Variants in MACROH2A2 observed in about 807,000 individuals in gnomAD.
The protein encoded by MACROH2A2 is core histone macro-H2A.2.
In MACROH2A2, 6 loss-of-function variants were observed where a neutral mutation model predicts 37.6. The observed-to-expected ratio is 0.16, with a 90% CI of 0.09 to 0.32. MACROH2A2 has a LOEUF of 0.32. MACROH2A2 is among the 10% of genes least tolerant of loss of function. MACROH2A2 has a pLI of 1.00. For synonymous variants in MACROH2A2, 192 were observed against 202.7 expected, an observed-to-expected ratio of 0.95 and a Z score of 0.45; for missense variants, 290 against 485.9, an observed-to-expected ratio of 0.60 and a Z score of 3.79.
rs897319188 is a variant in MACROH2A2, at chr10:70,083,787, G to GC, written c.173-6269dup. Among the ~76,000 whole-genome samples the GC allele has an allele frequency of 7.6e-4, 112 of 148,066 alleles. 1 individual carries two copies. Among genetic ancestry groups the GC allele is most frequent in the African/African-American group, 2.7e-3 (107 of 39,906 alleles). ...GCATGCTCAGCTGCTCATCTAGAATGCCCCATTGACCTGAACAAGCTTGCC... is the reference window on the plus strand; with the variant it reads ...GCATGCTCAGCTGCTCATCTAGAATGCCCCCATTGACCTGAACAAGCTTGCC... On this transcript the variant is annotated intron_variant, in intron 2 of 8. Coordinates refer to ENST00000373255, the MANE Select transcript of MACROH2A2 (RefSeq NM_018649.3).
chr10:70,089,587 T>C (rs2072231663), intron 2 of MACROH2A2, among the ~76,000 whole-genome samples: 1 of 152,022 alleles, frequency 6.6e-6, no homozygotes, highest in Admixed American at 6.5e-5. Flanking sequence ...CCTGCAGTTA[T>C]GGGCTTGGCA....
chr10:70,063,089 CCA>C (rs1485388559), intron 1 of MACROH2A2, among the ~76,000 whole-genome samples: 1 of 151,286 alleles, frequency 6.6e-6, no homozygotes, highest in African/African-American at 2.4e-5. Flanking sequence ...TTGCAGCCCT[CCA>C]CAGTTTACAA....
chr10:70,100,912 C>T (rs1015327966), intron 7 of MACROH2A2, among the ~76,000 whole-genome samples: 1 of 152,142 alleles, frequency 6.6e-6, no homozygotes, highest in African/African-American at 2.4e-5. Flanking sequence ...CCACCACACC[C>T]GGCCACTGGA....
intron 2 of MACROH2A2, among the ~76,000 whole-genome samples, chr10:70,085,820 T>A (rs2072207175): frequency 6.6e-6 from 1 of 152,208 alleles, no homozygotes; most frequent in Non-Finnish European, 1.5e-5. Flanking sequence ...TAGTGCTGTA[T>A]AAATCCAGTT....
intron 3 of MACROH2A2, among the ~76,000 whole-genome samples, chr10:70,091,474 G>A (rs2072244275): frequency 1.3e-5 from 2 of 152,090 alleles, no homozygotes; most frequent in African/African-American, 2.4e-5. Flanking sequence ...TCAGCCGTTC[G>A]AGACCAGCCT....
chr10:70,097,942 C>G (rs1339176451), intron 6 of MACROH2A2, among the ~76,000 whole-genome samples: 1 of 152,032 alleles, frequency 6.6e-6, no homozygotes, highest in Non-Finnish European at 1.5e-5. Context: ...GGACCCTCAT[C>G]TCTTATAAAA....
intron 3 of MACROH2A2, among the ~76,000 whole-genome samples, chr10:70,090,611 A>C (rs909638077): frequency 6.6e-6 from 1 of 152,240 alleles, no homozygotes; most frequent in Non-Finnish European, 1.5e-5. Flanking sequence ...GTGGTAGGTA[A>C]ATAGTATAAG....
At chr10:70,108,387 G>T (rs1407286062) in intron 7 of MACROH2A2, among the ~76,000 whole-genome samples, 1 of 152,172 alleles carries the variant, frequency 6.6e-6, no homozygotes, top group Non-Finnish European at 1.5e-5. Flanking sequence ...TGTTGGCAGG[G>T]CTGGTTCCTT....
chr10:70,093,273 A>C (rs762224553), intron 4 of MACROH2A2, among the ~76,000 whole-genome samples: 7 of 152,246 alleles, frequency 4.6e-5, no homozygotes, highest in Non-Finnish European at 1.0e-4. Context: ...ATTATTGAGG[A>C]TCAAGATGAA....
chr10:70,057,925 C>T (rs2072027708), intron 1 of MACROH2A2, among the ~76,000 whole-genome samples: 3 of 152,132 alleles, frequency 2.0e-5, no homozygotes, highest in South Asian at 4.1e-4. Context: ...TGGTGAAGAA[C>T]ATGCCCCAAA....
chr10:70,058,751 G>A (rs2072032142), intron 1 of MACROH2A2, among the ~76,000 whole-genome samples: 1 of 152,010 alleles, frequency 6.6e-6, no homozygotes, highest in Admixed American at 6.6e-5. Context: ...CCACAAAAAG[G>A]CAAACCCCAA....
Position 70,107,194 on chromosome 10 carries a change from G to A in MACROH2A2, c.779-1839G>A, listed in dbSNP as rs2136644058. Among the ~76,000 whole-genome samples, 1 of 152,322 alleles carries A rather than the reference G, an allele frequency of 6.6e-6. No homozygotes were observed. The highest frequency in any genetic ancestry group is 1.5e-5 in the Non-Finnish European group (1 of 68,026). On this transcript the variant is annotated intron_variant, in intron 7 of 8. Coordinates refer to ENST00000373255, the MANE Select transcript of MACROH2A2 (RefSeq NM_018649.3). This position sits in a 1 kb window ranked among gnomAD's most constrained non-coding sequence, Gnocchi z 4.4. ...TGACACTGAGCCCCGTCTAGGCACT[G>A]GAAGGCAGGGAGCCTACAGCCTCCC...
At position 70,100,233 on chromosome 10, in the gene MACROH2A2, A is replaced by G. The variant is rs1589839990; in HGVS notation, c.714A>G (p.Gly238=). The G allele has an allele frequency of 6.2e-7, 1 of 1,607,210 alleles. No individual in the cohort carries two copies. The highest frequency in any genetic ancestry group is 8.5e-7 in the Non-Finnish European group (1 of 1,174,114). ...GTAAAGCCTTGGAAAAGGCTGGGGG[A>G]AAAGAGTTCTTGGAAACGGTAAAGG... ...DIGKALEKAG[G]KEFLETVKEL... is the part of the protein sequence containing the mutation. The change falls in exon 7 of 9, where the codon GGA becomes GGG. Residue 238 remains glycine (G), a synonymous_variant. Coordinates refer to ENST00000373255, the MANE Select transcript of MACROH2A2 (RefSeq NM_018649.3).
At chr10:70,078,092 T>C (rs1234118176) in intron 2 of MACROH2A2, among the ~76,000 whole-genome samples, 1 of 152,232 alleles carries the variant, frequency 6.6e-6, no homozygotes, top group East Asian at 1.9e-4. Context: ...AATCCGTGCA[T>C]ATACAAAATT....
intron 2 of MACROH2A2, among the ~76,000 whole-genome samples, chr10:70,077,705 A>G (rs532813195): frequency 6.6e-6 from 1 of 152,374 alleles, no homozygotes; most frequent in South Asian, 2.1e-4. Flanking sequence ...CCCCATCTCT[A>G]CTAAAAAATA....
chr10:70,059,808 C>T (rs2072040837), intron 1 of MACROH2A2, among the ~76,000 whole-genome samples: 1 of 152,174 alleles, frequency 6.6e-6, no homozygotes, highest in Non-Finnish European at 1.5e-5. Context: ...ACCTTGATGC[C>T]CCCTTGAACT....
At chr10:70,098,901 T>C (rs1412556850) in intron 6 of MACROH2A2, 3 of 152,196 alleles carry the variant, frequency 2.0e-5, no homozygotes, top group Admixed American at 6.5e-5. Flanking sequence ...AGAAACTACC[T>C]CTCTCCAGGA....
chr10:70,073,802 C>G (rs1220206109), intron 1 of MACROH2A2, among the ~76,000 whole-genome samples: 1 of 152,092 alleles, frequency 6.6e-6, no homozygotes, highest in Non-Finnish European at 1.5e-5. Context: ...TCATATTAAC[C>G]AAGCATTCAT....
At chr10:70,070,487 G>GTTTT (rs2136621924) in intron 1 of MACROH2A2, among the ~76,000 whole-genome samples, 1 of 151,926 alleles carries the variant, frequency 6.6e-6, no homozygotes, top group East Asian at 1.9e-4. Context: ...TGAGTGTTGA[G>GTTTT]TTTTGTTTGT....
Sources: gnomAD v4.1 joint callset for allele counts (sites outside exome capture counted in the v4.1 genomes callset) on GRCh38, gnomAD v4.1.1 for gene constraint, Gnocchi (gnomAD v3.1) non-coding constraint, MANE v1.5 for transcripts, NCBI Gene and HGNC (gene_info 2026-07-23, HGNC 2026-07-21) for gene names.